The following ASRGL1 variants were observed in gnomAD, a reference collection of about 807,000 sequenced individuals.
The protein encoded by ASRGL1 is asparaginase and isoaspartyl peptidase 1.
ASRGL1 carries 16 observed loss-of-function variants against 22.4 expected under a neutral mutation model. The ratio of observed to expected loss-of-function variants is 0.71; its 90% confidence interval spans 0.48 to 1.08. The LOEUF (loss-of-function observed/expected upper bound fraction) is 1.08. Among genes scored for constraint, ASRGL1 ranks in the 50% least tolerant of loss-of-function variants. The probability of loss-of-function intolerance (pLI) is 0.00; values close to 1 mark genes in which losing one functional copy is unlikely to be tolerated. For synonymous variants in ASRGL1, 165 were observed against 159.3 expected, an observed-to-expected ratio of 1.04 and a Z score of -0.27; for missense variants, 412 against 410.1, an observed-to-expected ratio of 1.00 and a Z score of -0.04.
chr11:62,376,046 G>A (rs1238058918), intron 4 of ASRGL1, among the ~76,000 whole-genome samples: 5 of 140,130 alleles, frequency 3.6e-5, no homozygotes, highest in African/African-American at 1.4e-4. Context: ...AGGTTGCCAT[G>A]AGCTGAGATC....
downstream of ASRGL1, among the ~76,000 whole-genome samples, chr11:62,394,037 T>C (rs1947397975): frequency 6.9e-6 from 1 of 144,322 alleles, no homozygotes. Flanking sequence ...TTATATAATA[T>C]ATAAGTTACA....
At chr11:62,346,041 C>A (rs1946011980) in intron 2 of ASRGL1, among the ~76,000 whole-genome samples, 1 of 152,130 alleles carries the variant, frequency 6.6e-6, no homozygotes, top group African/African-American at 2.4e-5. Flanking sequence ...GAGGTCAGTT[C>A]AGTTCTGACG....
At chr11:62,362,946 T>G (rs1419662450) in intron 4 of ASRGL1, among the ~76,000 whole-genome samples, 2 of 111,546 alleles carry the variant, frequency 1.8e-5, no homozygotes, top group African/African-American at 3.5e-5. Context: ...TGAGACAGAG[T>G]CTTGCTGTGT....
chr11:62,366,357 AC>A (rs1306219466), intron 4 of ASRGL1, among the ~76,000 whole-genome samples: 1 of 146,918 alleles, frequency 6.8e-6, no homozygotes, highest in Non-Finnish European at 1.5e-5. Context: ...ACAGGATAGA[AC>A]ATACTTATAA....
rs2134608381 is a variant in ASRGL1, at chr11:62,357,049, A to G, written c.396A>G (p.Pro132=). Residue 132 remains proline, a synonymous_variant, in exon 4 of 7, where the codon CCA becomes CCG. Coordinates refer to ENST00000415229, the MANE Select transcript of ASRGL1 (RefSeq NM_001083926.2). ...AGTTTGCAGCAGCTATGGGGGTTCC[A>G]GAGATTCCTGGAGAAAAACTGGTGA... The part of the protein sequence containing the change: ...AAQFAAAMGV[P]EIPGEKLVTE... The G allele has an allele frequency of 6.2e-7, 1 of 1,614,066 alleles. No individual in the cohort carries two copies. The highest frequency in any genetic ancestry group is 1.1e-5 in the South Asian group (1 of 91,088).
At chr11:62,374,217 T>A (rs1268761654) in intron 4 of ASRGL1, among the ~76,000 whole-genome samples, 1 of 152,188 alleles carries the variant, frequency 6.6e-6, no homozygotes, top group Non-Finnish European at 1.5e-5. Flanking sequence ...TAGTTGGGAT[T>A]ACCAAAGAGT....
chr11:62,357,297 T>A (rs1196697216), intron 4 of ASRGL1, 153 bp downstream of exon 4: 2 of 895,144 alleles, frequency 2.2e-6, no homozygotes, highest in Non-Finnish European at 3.3e-6. Flanking sequence ...TTGCCCAGAC[T>A]GGAGTACAGT....
At chr11:62,345,081 A>G (rs377569198) in intron 2 of ASRGL1, among the ~76,000 whole-genome samples, 39 of 152,270 alleles carry the variant, frequency 2.6e-4, no homozygotes, top group African/African-American at 9.4e-4. Flanking sequence ...GTAGTACTCC[A>G]TTGTGTATAT....
At chr11:62,368,154 A>G (rs890696040) in intron 4 of ASRGL1, among the ~76,000 whole-genome samples, 7 of 152,096 alleles carry the variant, frequency 4.6e-5, no homozygotes, top group Non-Finnish European at 7.4e-5. Context: ...CTTTTACTAC[A>G]GTATATTGTT....
intron 4 of ASRGL1, among the ~76,000 whole-genome samples, chr11:62,380,089 T>C (rs1183288141): frequency 2.6e-5 from 4 of 152,170 alleles, no homozygotes; most frequent in African/African-American, 9.7e-5. Flanking sequence ...CCAAATGTTC[T>C]AACTTGTCCT....
chr11:62,343,268 C>T (rs1055912526), intron 2 of ASRGL1, among the ~76,000 whole-genome samples: 1 of 150,612 alleles, frequency 6.6e-6, no homozygotes, highest in Non-Finnish European at 1.5e-5. Flanking sequence ...GTCCCAGCTG[C>T]TCGGGAAGCT....
At chr11:62,390,256 A>C (rs921643081) in intron 5 of ASRGL1, among the ~76,000 whole-genome samples, 1 of 152,244 alleles carries the variant, frequency 6.6e-6, no homozygotes, top group Admixed American at 6.5e-5. Context: ...AAATCTTGAC[A>C]AGAAAAGGCA....
intron 4 of ASRGL1, among the ~76,000 whole-genome samples, chr11:62,368,925 A>C (rs1946687853): frequency 6.6e-6 from 1 of 152,102 alleles, no homozygotes; most frequent in Admixed American, 6.5e-5. Context: ...CGGGTTTTAC[A>C]CCCGAGACAT....
intron 4 of ASRGL1, among the ~76,000 whole-genome samples, chr11:62,380,597 T>C (rs1036333702): frequency 6.6e-6 from 1 of 152,172 alleles, no homozygotes; most frequent in African/African-American, 2.4e-5. Flanking sequence ...GCCCCATCAA[T>C]CCACCAACTC....
At chr11:62,371,158 G>A (rs1391023734) in intron 4 of ASRGL1, 7 of 1,158,940 alleles carry the variant, frequency 6.0e-6, no homozygotes, top group African/African-American at 1.6e-5. Context: ...GGCGGCGGTG[G>A]CGGCCTGGGA....
At chr11:62,373,206 T>A in intron 4 of ASRGL1, 1 of 930,934 alleles carries the variant, frequency 1.1e-6, no homozygotes, top group Non-Finnish European at 1.8e-6. Context: ...ACTCCACACC[T>A]CTCATGGCAG....
At chr11:62,394,352 A>G (rs895443218), downstream of ASRGL1, among the ~76,000 whole-genome samples, 2 of 141,920 alleles carry the variant, frequency 1.4e-5, no homozygotes, top group African/African-American at 2.6e-5. Flanking sequence ...TATATTATAT[A>G]TAATATGTAA....
downstream of ASRGL1, among the ~76,000 whole-genome samples, chr11:62,396,793 G>A (rs1028495360): frequency 6.6e-6 from 1 of 151,350 alleles, no homozygotes; most frequent in Non-Finnish European, 1.5e-5. Flanking sequence ...TTTAATCACT[G>A]ATCATCTCAA....
At chr11:62,359,946 A>G (rs922898561) in intron 4 of ASRGL1, among the ~76,000 whole-genome samples, 1 of 150,714 alleles carries the variant, frequency 6.6e-6, no homozygotes, top group Non-Finnish European at 1.5e-5. Flanking sequence ...AATTTTGTAT[A>G]TTTTACAATT....
Sources: allele counts gnomAD v4.1 joint callset (sites outside exome capture counted in the v4.1 genomes callset), GRCh38; gene constraint gnomAD v4.1.1; transcripts MANE v1.5; gene names NCBI Gene and HGNC (gene_info 2026-07-23, HGNC 2026-07-21).